WDSUB1: variants seen among roughly 807,000 people sequenced by gnomAD.
WDSUB1 encodes the protein WD repeat, SAM and U-box domain-containing protein 1.
In WDSUB1, 49 loss-of-function variants were observed where a neutral mutation model predicts 53.9. That is an observed-to-expected ratio of 0.91 (90% confidence interval 0.72 to 1.15). The LOEUF is 1.15. Among genes scored for constraint, WDSUB1 ranks in the 50% most tolerant of loss-of-function variants. The probability of loss-of-function intolerance (pLI) is 0.00; values close to 1 mark genes in which losing one functional copy is unlikely to be tolerated. For missense variants in WDSUB1, 514 were observed against 562.0 expected (o/e 0.91, Z 0.86); for synonymous variants, 194 against 200.6 (o/e 0.97, Z 0.28).
At chr2:159,259,784 T>A (rs2061149710) in intron 6 of WDSUB1, 26 bp downstream of exon 6, 1 of 1,510,410 alleles carries the variant, frequency 6.6e-7, no homozygotes, top group African/African-American at 1.4e-5. Flanking sequence ...CTTTCATAGA[T>A]CACCACAAGA....
At chr2:159,274,799 G>A (rs1004456117) in intron 4 of WDSUB1, among the ~76,000 whole-genome samples, 6 of 152,096 alleles carry the variant, frequency 3.9e-5, no homozygotes, top group African/African-American at 1.2e-4. Flanking sequence ...GGACTCAACT[G>A]CAAACAAAGA....
rs777161353 is a variant in WDSUB1 at position 159,256,208 on chromosome 2, C to A, written c.1120G>T (p.Asp374Tyr). ...LNLTKESLAD[D>Y]LKIESLGLRS... The stretch of plus-strand genomic sequence containing the variant: ...TCACTAAGCTTACCAATTTTCAAAT[C>A]ATCAGCCAGACTTTCTTTTGTAAGA... The change falls in exon 9 of 11, where the codon GAT (aspartate) becomes TAT (tyrosine). Residue 374 changes from aspartate (D) to tyrosine (Y), a missense_variant. Physicochemically the swap from Asp to Tyr is radical, Grantham distance 160. Transcript: ENST00000359774. 1.4e-5 allele frequency: 22 copies of A among 1,596,744 alleles called. No individual in the cohort carries two copies. Among genetic ancestry groups the A allele is most frequent in the Admixed American group, 1.8e-5 (1 of 55,914 alleles).
chr2:159,261,878 ATATATATATATATATATATTTTT>A (rs1230349663), intron 5 of WDSUB1, among the ~76,000 whole-genome samples: 2 of 15,716 alleles, frequency 1.3e-4, no homozygotes, highest in African/African-American at 7.4e-4. Flanking sequence ...ATATATATAT[ATATATATATATATATATATTTTT>A]TTTTTTTTTT....
chr2:159,285,414 G>GAA (rs35321223), intron 1 of WDSUB1, among the ~76,000 whole-genome samples: 13 of 150,728 alleles, frequency 8.6e-5, no homozygotes, highest in African/African-American at 1.5e-4. Flanking sequence ...CTCTACCAAA[G>GAA]AAAAAAAAAG....
rs1002393706 is a variant in WDSUB1, at chr2:159,286,687, C to G, written c.-129G>C. 1.3e-5 allele frequency: 2 copies of G among 152,440 alleles called. No individual in the cohort carries two copies. The highest frequency in any genetic ancestry group is 6.5e-5 in the Admixed American group (1 of 15,272). The allele number at this position is 152,440 out of a possible 1,614,324, so 9.4% of individuals were successfully genotyped here. A position where few individuals can be genotyped will look rare whatever the true frequency, so the allele number is the denominator to read the frequency against. ...GGCGGGGCGGGCGCCGGCGGAGACCCAGAGCAGAGGGAACAGGCCCCGCCC... is the reference window on the plus strand; with the variant it reads ...GGCGGGGCGGGCGCCGGCGGAGACCGAGAGCAGAGGGAACAGGCCCCGCCC... On this transcript the variant is annotated 5_prime_UTR_variant, in exon 1 of 11. Transcript: ENST00000359774.
chr2:159,264,284 TG>T (rs1461951694), intron 5 of WDSUB1, among the ~76,000 whole-genome samples: 1 of 152,226 alleles, frequency 6.6e-6, no homozygotes, highest in Non-Finnish European at 1.5e-5. Context: ...GATGGCAACG[TG>T]TCCTTTTCAG....
intron 1 of WDSUB1, among the ~76,000 whole-genome samples, chr2:159,285,884 G>A (rs1309080444): frequency 2.0e-5 from 3 of 152,112 alleles, no homozygotes; most frequent in African/African-American, 4.8e-5. Context: ...TCAAGACCAG[G>A]TGGTGCTTTC....
intron 3 of WDSUB1, among the ~76,000 whole-genome samples, chr2:159,278,887 G>C (rs1444348608): frequency 6.6e-6 from 1 of 151,964 alleles, no homozygotes; most frequent in African/African-American, 2.4e-5. Context: ...TGTCCAATAG[G>C]GCAGTGACTG....
chr2:159,258,887 C>A (rs896659160), intron 6 of WDSUB1, among the ~76,000 whole-genome samples: 8 of 152,210 alleles, frequency 5.3e-5, no homozygotes, highest in Admixed American at 4.6e-4. Context: ...GTGACTCGAA[C>A]TTCTGTGTGG....
intron 5 of WDSUB1, 127 bp from the exon 6 acceptor site, chr2:159,259,970 T>A: frequency 9.5e-7 from 1 of 1,051,818 alleles, no homozygotes; most frequent in Non-Finnish European, 1.3e-6. Flanking sequence ...ACATTTAGAA[T>A]GCAATCCTTT....
Position 159,256,252 on chromosome 2 carries a change from T to A in WDSUB1, c.1076A>T (p.Asp359Val), listed in dbSNP as rs2061059036. ...LVGIFKMNNI[D>V]GKELLNLTKE... ...TGTAAGATTCAACAGTTCTTTTCCATCAATGTTATTCATCTTGAAAATACC... is the reference window on the plus strand; with the variant it reads ...TGTAAGATTCAACAGTTCTTTTCCAACAATGTTATTCATCTTGAAAATACC... The change falls in exon 9 of 11, where the codon GAT becomes GTT. Residue 359 changes from aspartate (D) to valine (V), a missense_variant. Transcript: ENST00000359774. The A allele has an allele frequency of 6.2e-7, 1 of 1,610,574 alleles. No homozygotes were observed. The highest frequency in any genetic ancestry group is 8.5e-7 in the Non-Finnish European group (1 of 1,179,156).
intron 9 of WDSUB1, among the ~76,000 whole-genome samples, chr2:159,253,662 A>C (rs950626810): frequency 1.3e-5 from 2 of 152,262 alleles, no homozygotes; most frequent in Non-Finnish European, 2.9e-5. Flanking sequence ...TTAAACAGTT[A>C]TATCACAAAG....
chr2:159,259,849 A>G lies in WDSUB1; in HGVS notation c.771-6T>C, dbSNP rs112211849. Reference sequence around the variant, plus strand: ...TGACAGACTTATCCACTGACCTTAAAAGAAAATAAATTATAGGTGAAAAGT... The same window carrying G: ...TGACAGACTTATCCACTGACCTTAAGAGAAAATAAATTATAGGTGAAAAGT... On this transcript the variant is annotated splice_region_variant and splice_polypyrimidine_tract_variant and intron_variant, in intron 5 of 10. Transcript: ENST00000359774. 402 of 1,515,444 alleles carry G rather than the reference A, an allele frequency of 2.7e-4. No homozygotes were observed. In the African/African-American group the frequency reaches 5.2e-3, roughly 20 times the overall value. The allele number at this position is 1,515,444 out of a possible 1,614,324, so 93.9% of individuals were successfully genotyped here.
At chr2:159,242,636 CAA>C (rs1336251231) in intron 10 of WDSUB1, among the ~76,000 whole-genome samples, 3 of 147,536 alleles carry the variant, frequency 2.0e-5, no homozygotes, top group Non-Finnish European at 4.4e-5. Context: ...GTCTGGGCAA[CAA>C]GAGCGAAACT....
chr2:159,280,651 A>T (rs1309491027), intron 2 of WDSUB1, among the ~76,000 whole-genome samples: 9 of 125,242 alleles, frequency 7.2e-5, no homozygotes, highest in African/African-American at 1.8e-4. Context: ...AGATCCCGCC[A>T]CTGCACTCCA....
At chr2:159,273,305 T>C (rs2061478223) in intron 4 of WDSUB1, among the ~76,000 whole-genome samples, 1 of 152,154 alleles carries the variant, frequency 6.6e-6, no homozygotes, top group South Asian at 2.1e-4. Flanking sequence ...AAAACTTCAA[T>C]ACAACAATAA....
At chr2:159,274,694 C>G (rs2061505373) in intron 4 of WDSUB1, among the ~76,000 whole-genome samples, 2 of 152,162 alleles carry the variant, frequency 1.3e-5, no homozygotes, top group South Asian at 4.1e-4. Flanking sequence ...CCTCCTCATC[C>G]TAGAGGGAAG....
intron 5 of WDSUB1, 71 bp from the exon 6 acceptor site, chr2:159,259,914 T>A: frequency 7.4e-7 from 1 of 1,347,688 alleles, no homozygotes; most frequent in East Asian, 2.6e-5. Context: ...AATTAGTATT[T>A]TTAAGTAATT....
chr2:159,282,033 T>C (rs1267327004), intron 2 of WDSUB1, among the ~76,000 whole-genome samples: 1 of 151,310 alleles, frequency 6.6e-6, no homozygotes, highest in East Asian at 1.9e-4. Context: ...CTAAAATTAC[T>C]GAACCTTCAA....
Sources: gnomAD v4.1 joint callset for allele counts (sites outside exome capture counted in the v4.1 genomes callset) on GRCh38, gnomAD v4.1.1 for gene constraint, MANE v1.5 for transcripts, NCBI Gene and HGNC (gene_info 2026-07-23, HGNC 2026-07-21) for gene names.